The following CD82 variants were observed in gnomAD, a reference collection of about 807,000 sequenced individuals.
CD82 encodes CD82 molecule.
In CD82, 36 loss-of-function variants were observed where a neutral mutation model predicts 37.4. The observed-to-expected ratio is 0.96, with a 90% CI of 0.74 to 1.27. The LOEUF (loss-of-function observed/expected upper bound fraction) is 1.27, where lower values mean the gene tolerates loss of function less well. Ranked by LOEUF, CD82 falls within the 50% of genes most tolerant of loss-of-function variation. The probability of loss-of-function intolerance (pLI) is 0.00; values close to 1 mark genes in which losing one functional copy is unlikely to be tolerated. For missense variants in CD82, 340 were observed against 347.0 expected, an observed-to-expected ratio of 0.98 and a Z score of 0.16; for synonymous variants, 158 against 137.4, an observed-to-expected ratio of 1.15 and a Z score of -1.05.
intron 1 of CD82, among the ~76,000 whole-genome samples, chr11:44,584,572 G>A (rs1853026335): frequency 6.6e-6 from 1 of 152,156 alleles, no homozygotes; most frequent in South Asian, 2.1e-4. Flanking sequence ...ACAGGTGTGA[G>A]CCACTGTGCC....
chr11:44,565,214 G>A (rs1014631021), upstream of CD82, among the ~76,000 whole-genome samples: 15 of 152,350 alleles, frequency 9.8e-5, no homozygotes, highest in South Asian at 1.4e-3. Flanking sequence ...TGCGGGGAGG[G>A]GCGTGGCCTC....
intron 6 of CD82, among the ~76,000 whole-genome samples, chr11:44,605,811 T>G (rs754694928): frequency 1.3e-5 from 2 of 152,246 alleles, no homozygotes; most frequent in Non-Finnish European, 2.9e-5. Context: ...CATGGCACCA[T>G]AAGTACTCAA....
At chr11:44,581,750 C>A (rs1318118809) in intron 1 of CD82, among the ~76,000 whole-genome samples, 1 of 152,208 alleles carries the variant, frequency 6.6e-6, no homozygotes, top group Non-Finnish European at 1.5e-5. Context: ...GCCCCTCAGG[C>A]CCTCTGGATC....
intron 2 of CD82, among the ~76,000 whole-genome samples, chr11:44,591,459 C>G (rs1285949236): frequency 6.6e-6 from 1 of 152,206 alleles, no homozygotes; most frequent in Non-Finnish European, 1.5e-5. Context: ...GACAAGGTTT[C>G]CCAGCCTCCT....
intron 3 of CD82, chr11:44,596,957 C>T (rs1188968035): frequency 2.2e-6 from 1 of 456,156 alleles, no homozygotes; most frequent in Admixed American, 2.3e-5. Context: ...AGGCTCTTGG[C>T]CTGGTCATGG....
At chr11:44,599,154 T>C (rs1196263441) in intron 3 of CD82, among the ~76,000 whole-genome samples, 2 of 152,158 alleles carry the variant, frequency 1.3e-5, no homozygotes. Flanking sequence ...TTTTTTCCTT[T>C]TTGTGGGGGG....
intron 3 of CD82, among the ~76,000 whole-genome samples, chr11:44,595,539 A>G (rs552626453): frequency 6.6e-6 from 1 of 152,282 alleles, no homozygotes; most frequent in South Asian, 2.1e-4. Context: ...GATGTTTCTT[A>G]TGATCCAAAG....
chr11:44,609,499 G>T (rs1351109089), intron 6 of CD82, among the ~76,000 whole-genome samples: 1 of 152,098 alleles, frequency 6.6e-6, no homozygotes, highest in Non-Finnish European at 1.5e-5. Flanking sequence ...CAGAGGTGGG[G>T]GCTGTGACAG....
At chr11:44,578,464 C>A (rs1410617566) in intron 1 of CD82, among the ~76,000 whole-genome samples, 3 of 152,142 alleles carry the variant, frequency 2.0e-5, no homozygotes, top group African/African-American at 4.8e-5. Flanking sequence ...TCTGTCTGTA[C>A]ATCTATACAC....
Position 44,597,365 on chromosome 11 carries a change from G to A in CD82, c.63+2640G>A, listed in dbSNP as rs2134661402. On this transcript the variant is annotated intron_variant, in intron 3 of 9. Transcript: ENST00000227155. The surrounding 1 kb of genome is among the most constrained non-coding windows in gnomAD (Gnocchi z 4.1). ...ATCTGGGGATTGGGGAAGGGCTGGGGGAGTGATTAACATGGGGCCTGCCCC... is the reference window on the plus strand; with the variant it reads ...ATCTGGGGATTGGGGAAGGGCTGGGAGAGTGATTAACATGGGGCCTGCCCC... Among the ~76,000 whole-genome samples, 1 of 152,318 alleles carries A rather than the reference G, an allele frequency of 6.6e-6. No homozygotes were observed. Among genetic ancestry groups the A allele is most frequent in the East Asian group, 1.9e-4 (1 of 5,180 alleles).
intron 9 of CD82, 93 bp from the exon 10 acceptor site, chr11:44,618,956 C>T: frequency 8.9e-7 from 1 of 1,124,000 alleles, no homozygotes; most frequent in Non-Finnish European, 1.3e-6. Flanking sequence ...AGTTGAGGAT[C>T]CACTTAATCC....
At chr11:44,618,549 C>A in intron 8 of CD82, 91 bp from the exon 9 acceptor site, 1 of 1,204,848 alleles carries the variant, frequency 8.3e-7, no homozygotes, top group Non-Finnish European at 1.2e-6. Context: ...GTAGGGGCTT[C>A]CGGGCTGGGA....
At chr11:44,571,685 G>A (rs1219706053) in intron 1 of CD82, among the ~76,000 whole-genome samples, 8 of 151,910 alleles carry the variant, frequency 5.3e-5, no homozygotes, top group African/African-American at 1.5e-4. Context: ...AGTGATTCTC[G>A]TGTCTCAGCC....
At chr11:44,618,980 G>A in intron 9 of CD82, 69 bp from the exon 10 acceptor site, 1 of 1,330,074 alleles carries the variant, frequency 7.5e-7, no homozygotes, top group South Asian at 1.2e-5. Context: ...TGTAAACCTG[G>A]ATGGTGAGGC....
intron 1 of CD82, among the ~76,000 whole-genome samples, chr11:44,569,590 G>T (rs145034154): frequency 6.6e-6 from 1 of 152,066 alleles, no homozygotes; most frequent in African/African-American, 2.4e-5. Context: ...GCAAAGTAGG[G>T]CATGTCTGTG....
intron 4 of CD82, among the ~76,000 whole-genome samples, chr11:44,600,786 A>G (rs909800892): frequency 2.0e-5 from 3 of 152,250 alleles, no homozygotes; most frequent in Non-Finnish European, 2.9e-5. Flanking sequence ...ATCCCACCAC[A>G]GCCCTGTGAG....
intron 9 of CD82, 54 bp from the exon 10 acceptor site, chr11:44,618,995 G>A (rs998186141): frequency 2.1e-6 from 3 of 1,450,914 alleles, no homozygotes; most frequent in South Asian, 1.1e-5. Context: ...TGAGGCTGGG[G>A]CGTCTGAGGC....
intron 1 of CD82, among the ~76,000 whole-genome samples, chr11:44,570,126 C>T (rs965548085): frequency 3.9e-5 from 6 of 152,232 alleles, no homozygotes; most frequent in Admixed American, 1.3e-4. Context: ...TGCCCCAAGA[C>T]GCCAGTCATG....
At chr11:44,606,059 TTG>T (rs1853390514) in intron 6 of CD82, 1 of 152,666 alleles carries the variant, frequency 6.6e-6, no homozygotes, top group African/African-American at 2.4e-5. Flanking sequence ...GTTCTGGCTG[TTG>T]AGCATCCTCG....
Sources: allele counts gnomAD v4.1 joint callset (sites outside exome capture counted in the v4.1 genomes callset), GRCh38; gene constraint gnomAD v4.1.1; non-coding constraint Gnocchi (gnomAD v3.1); transcripts MANE v1.5; gene names NCBI Gene and HGNC (gene_info 2026-07-23, HGNC 2026-07-21).